The following TMEM114 variants were observed in gnomAD, a reference collection of about 807,000 sequenced individuals.
TMEM114 encodes transmembrane protein 114.
TMEM114 carries 6 observed loss-of-function variants against 6.2 expected under a neutral mutation model. The ratio of observed to expected loss-of-function variants is 0.97; its 90% CI spans 0.53 to 1.91. TMEM114 has a LOEUF of 1.91. Ranked by LOEUF, TMEM114 falls within the 40% of genes most tolerant of loss-of-function variation. The pLI, the probability that TMEM114 is intolerant of heterozygous loss-of-function variation, is 0.01. For synonymous variants in TMEM114, 104 were observed against 73.0 expected, an observed-to-expected ratio of 1.42 and a Z score of -2.16; for missense variants, 218 against 158.3, an observed-to-expected ratio of 1.38 and a Z score of -2.02.
chr16:8,533,963 G>C (rs536875280), downstream of TMEM114, among the ~76,000 whole-genome samples: 1 of 152,144 alleles, frequency 6.6e-6, no homozygotes, highest in African/African-American at 2.4e-5. Flanking sequence ...ATCTGACCAC[G>C]AAAGGCAACC....
intron 2 of TMEM114, among the ~76,000 whole-genome samples, chr16:8,557,541 A>AC (rs1567199919): frequency 6.6e-6 from 1 of 152,188 alleles, no homozygotes; most frequent in African/African-American, 2.4e-5. Flanking sequence ...ACCACAAGCA[A>AC]TATACAAGGG....
chr16:8,536,587 G>C (rs547899187), downstream of TMEM114, among the ~76,000 whole-genome samples: 1 of 152,320 alleles, frequency 6.6e-6, no homozygotes, highest in Non-Finnish European at 1.5e-5. Context: ...TGGATTCAAA[G>C]ATCCCTCTGA....
At chr16:8,537,739 T>C (rs1596463945) in exon 3 of TMEM114, 1 of 152,320 alleles carries the variant, frequency 6.6e-6, no homozygotes, top group East Asian at 1.9e-4. Context: ...CTTCTTTCCA[T>C]GACGGCAAAG....
At chr16:8,526,665 GCTT>G in the TMEM114 span, 7 of 152,380 alleles carry the variant, frequency 4.6e-5, no homozygotes, top group Admixed American at 4.6e-4. Flanking sequence ...AAGCTGCTGT[GCTT>G]CTTGTACAGC....
rs554585345 is a variant in TMEM114 at position 8,549,941 on chromosome 16, C to T, written n.213-12115G>A. Among the ~76,000 whole-genome samples the T allele has an allele frequency of 1.5e-4, 23 of 152,242 alleles. No homozygotes were observed. The South Asian group carries it at 3.1e-3, about 21-fold the overall frequency. ...TAAGGAAGCCAGTAGTGGCTCAGTC[C>T]GAGTCCCAAAACCTCAAAACCAGGG... On this transcript the variant is annotated intron_variant and non_coding_transcript_variant, in intron 2 of 2. Transcript: ENST00000623677.
At chr16:8,535,233 G>A (rs1028620567), downstream of TMEM114, among the ~76,000 whole-genome samples, 1 of 148,990 alleles carries the variant, frequency 6.7e-6, no homozygotes, top group African/African-American at 2.4e-5. Flanking sequence ...CACTAGGAAG[G>A]GTTAAAAAGC....
chr16:8,551,855 G>C (rs568014639), intron 2 of TMEM114, among the ~76,000 whole-genome samples: 134 of 152,236 alleles, frequency 8.8e-4, no homozygotes, highest in South Asian at 7.5e-3. Context: ...TCCTTCACTA[G>C]GTTATTGGAT....
chr16:8,586,757 G>A (rs1285633773), intron 2 of TMEM114, among the ~76,000 whole-genome samples: 1 of 152,120 alleles, frequency 6.6e-6, no homozygotes, highest in Non-Finnish European at 1.5e-5. Context: ...TGATCTGCCT[G>A]CCTCAGCCTC....
At chr16:8,534,078 G>T (rs983830768), downstream of TMEM114, among the ~76,000 whole-genome samples, 1 of 152,138 alleles carries the variant, frequency 6.6e-6, no homozygotes, top group Non-Finnish European at 1.5e-5. Context: ...CTCTAGCCCT[G>T]CAGCCTTGCC....
the TMEM114 span, among the ~76,000 whole-genome samples, chr16:8,530,373 G>A: frequency 6.6e-6 from 1 of 152,204 alleles, no homozygotes; most frequent in Non-Finnish European, 1.5e-5. Flanking sequence ...CTGGGTCTCA[G>A]AGTTCCCATC....
intron 2 of TMEM114, among the ~76,000 whole-genome samples, chr16:8,556,182 C>A (rs1476141936): frequency 1.3e-5 from 2 of 152,102 alleles, no homozygotes; most frequent in South Asian, 2.1e-4. Context: ...TTCTCTCCTT[C>A]CCGCCAGCTC....
At chr16:8,536,215 ACT>A (rs1900354504), downstream of TMEM114, among the ~76,000 whole-genome samples, 1 of 147,336 alleles carries the variant, frequency 6.8e-6, no homozygotes, top group Non-Finnish European at 1.5e-5. Context: ...ACAGAGCGAA[ACT>A]CTGTCTCAAA....
chr16:8,562,521 T>G, intron 2 of TMEM114, among the ~76,000 whole-genome samples: 1 of 146,780 alleles, frequency 6.8e-6, no homozygotes, highest in African/African-American at 2.6e-5. Flanking sequence ...ACTGAATGAG[T>G]GAGTTAATGA....
intron 2 of TMEM114, among the ~76,000 whole-genome samples, chr16:8,540,267 A>G (rs932551249): frequency 4.6e-5 from 7 of 152,212 alleles, no homozygotes; most frequent in African/African-American, 1.7e-4. Flanking sequence ...TTTCCATAAA[A>G]TAGTTTATAG....
At chr16:8,559,278 A>G (rs1156659188) in intron 2 of TMEM114, among the ~76,000 whole-genome samples, 1 of 149,860 alleles carries the variant, frequency 6.7e-6, no homozygotes, top group Non-Finnish European at 1.5e-5. Context: ...CATAACCTCA[A>G]GTGATCCGCC....
At chr16:8,556,925 G>C (rs1286407880) in intron 2 of TMEM114, among the ~76,000 whole-genome samples, 1 of 152,150 alleles carries the variant, frequency 6.6e-6, no homozygotes, top group African/African-American at 2.4e-5. Flanking sequence ...TGTGGCCCCT[G>C]CTGACCGCTC....
chr16:8,571,806 G>A (rs1474069349), intron 3 of TMEM114, among the ~76,000 whole-genome samples: 1 of 152,214 alleles, frequency 6.6e-6, no homozygotes, highest in East Asian at 1.9e-4. Flanking sequence ...AAAGCTTGAA[G>A]CTATCACGAG....
rs115227373 is a variant in TMEM114 at position 8,561,596 on chromosome 16, G to C, written n.213-23770C>G. Among the ~76,000 whole-genome samples the C allele has an allele frequency of 3.6e-3, 544 of 152,312 alleles. 4 individuals carry two copies. The highest frequency in any genetic ancestry group is 0.013 in the African/African-American group (523 of 41,562). On this transcript the variant is annotated intron_variant and non_coding_transcript_variant, in intron 2 of 2. Transcript: ENST00000623677. ...GAAGTCACTGTTGAATGAATGAGTC[G>C]ATGAGCATATGAATGAGTAAGTGAA... is the stretch of plus-strand genomic sequence containing the variant.
chr16:8,561,163 C>G (rs375477584), intron 2 of TMEM114, among the ~76,000 whole-genome samples: 3 of 152,202 alleles, frequency 2.0e-5, no homozygotes, highest in Admixed American at 1.3e-4. Flanking sequence ...GGGGACACAG[C>G]CAAACCATAA....
Sources: gnomAD v4.1 joint callset for allele counts (sites outside exome capture counted in the v4.1 genomes callset) on GRCh38, gnomAD v4.1.1 for gene constraint, MANE v1.5 for transcripts, NCBI Gene and HGNC (gene_info 2026-07-23, HGNC 2026-07-21) for gene names.